Variants in FER observed in about 807,000 individuals in gnomAD.
FER encodes FER tyrosine kinase.
In FER, 63 loss-of-function variants were observed where a neutral mutation model predicts 111.0. That is an observed-to-expected ratio of 0.57 (90% confidence interval 0.46 to 0.70). The LOEUF (loss-of-function observed/expected upper bound fraction) is 0.70. Ranked by LOEUF, FER falls within the 30% of genes least tolerant of loss-of-function variation. The pLI is 0.00. For synonymous variants in FER, 327 were observed against 313.9 expected, an observed-to-expected ratio of 1.04 and a Z score of -0.44; for missense variants, 914 against 954.0, an observed-to-expected ratio of 0.96 and a Z score of 0.55.
At chr5:108,785,205 C>T (rs751535703) in intron 2 of FER, 98 of 610,916 alleles carry the variant, frequency 1.6e-4, no homozygotes, top group Admixed American at 7.6e-5. Context: ...GTGACTATGT[C>T]TCCAAATGGA....
intron 10 of FER, among the ~76,000 whole-genome samples, chr5:108,936,320 C>T (rs1202431398): frequency 6.6e-6 from 1 of 151,784 alleles, no homozygotes; most frequent in Non-Finnish European, 1.5e-5. Flanking sequence ...ACCTTTGATA[C>T]AGTTATTTGG....
chr5:109,162,528 C>G (rs953655872), intron 17 of FER, among the ~76,000 whole-genome samples: 2 of 152,092 alleles, frequency 1.3e-5, no homozygotes, highest in Non-Finnish European at 2.9e-5. Flanking sequence ...ATACGGTCCA[C>G]AAGGGTGCTG....
intron 3 of FER, chr5:108,819,853 A>C (rs1758660987): frequency 3.0e-6 from 3 of 985,390 alleles, no homozygotes; most frequent in Non-Finnish European, 3.6e-6. Flanking sequence ...TTTTTCCCCC[A>C]GAAGTCTATT....
At position 108,838,561 on chromosome 5, in the gene FER, C is replaced by A. The variant is rs533693992; in HGVS notation, c.481+2754C>A. On this transcript the variant is annotated intron_variant, in intron 5 of 19. Transcript: ENST00000281092. The stretch of plus-strand genomic sequence containing the variant: ...TTCAGCAGTAGTAGTAGTAGTAAAC[C>A]AGCAGGAAGGCTGAGTTAATGCTGA... 2.6e-4 allele frequency among the ~76,000 whole-genome samples: 40 copies of A among 152,094 alleles called. No individual in the cohort carries two copies. The South Asian group carries it at 7.9e-3, about 30-fold the overall frequency.
chr5:109,015,748 T>C (rs1490206288), intron 13 of FER, among the ~76,000 whole-genome samples: 1 of 152,012 alleles, frequency 6.6e-6, no homozygotes, highest in Non-Finnish European at 1.5e-5. Flanking sequence ...AGAAATATGA[T>C]TTTCTTAGTG....
intron 13 of FER, among the ~76,000 whole-genome samples, chr5:109,034,479 C>T (rs985557311): frequency 2.0e-5 from 3 of 151,816 alleles, no homozygotes; most frequent in Non-Finnish European, 4.4e-5. Flanking sequence ...CTTGCAGGCC[C>T]TGAACTCTCT....
At chr5:108,919,710 G>T (rs1427951551) in intron 10 of FER, among the ~76,000 whole-genome samples, 1 of 152,068 alleles carries the variant, frequency 6.6e-6, no homozygotes, top group South Asian at 2.1e-4. Context: ...TATCAGAATC[G>T]GTGTGGCAGA....
chr5:108,854,028 A>C (rs554210890), intron 5 of FER, among the ~76,000 whole-genome samples: 6 of 152,336 alleles, frequency 3.9e-5, no homozygotes, highest in African/African-American at 1.4e-4. Flanking sequence ...CAAATTCTGT[A>C]TAAACAATTA....
chr5:108,923,506 AC>A (rs1438448539), intron 10 of FER, among the ~76,000 whole-genome samples: 1 of 152,006 alleles, frequency 6.6e-6, no homozygotes, highest in Non-Finnish European at 1.5e-5. Flanking sequence ...AGTTTCTTGA[AC>A]TTTGGTCCCT....
intron 16 of FER, among the ~76,000 whole-genome samples, chr5:109,058,900 T>G (rs1211731831): frequency 6.6e-6 from 1 of 151,648 alleles, no homozygotes; most frequent in Non-Finnish European, 1.5e-5. Context: ...GCCCGGCTAA[T>G]TTTTGTATTT....
chr5:108,902,492 ATAT>A (rs1405332264), intron 10 of FER, among the ~76,000 whole-genome samples: 1 of 152,194 alleles, frequency 6.6e-6, no homozygotes, highest in African/African-American at 2.4e-5. Flanking sequence ...AGAAACAGTA[ATAT>A]TGACTGCAGG....
chr5:109,082,055 C>CT (rs112682982), intron 16 of FER, among the ~76,000 whole-genome samples: 54,903 of 151,662 alleles, frequency 0.36, 10,196 homozygotes, highest in Middle Eastern at 0.42. Context: ...GAAATTTGAA[C>CT]GGGGGACAGG....
chr5:108,879,850 C>G (rs1765508305), intron 8 of FER, among the ~76,000 whole-genome samples: 1 of 151,290 alleles, frequency 6.6e-6, no homozygotes, highest in Admixed American at 6.6e-5. Flanking sequence ...GCTGGGATTA[C>G]AGGTGCCTGC....
chr5:109,088,300 A>AATCTAATTT (rs796901363), intron 16 of FER, among the ~76,000 whole-genome samples: 38 of 152,188 alleles, frequency 2.5e-4, no homozygotes, highest in African/African-American at 8.4e-4. Flanking sequence ...GTAAGTTGCT[A>AATCTAATTT]ATCTAATTTT....
chr5:109,155,730 G>T (rs986000820), intron 17 of FER, among the ~76,000 whole-genome samples: 2 of 151,958 alleles, frequency 1.3e-5, no homozygotes, highest in South Asian at 4.1e-4. Flanking sequence ...ATTCTGAAAT[G>T]GATGATAAAA....
At chr5:108,875,616 G>T (rs1765011593) in intron 8 of FER, among the ~76,000 whole-genome samples, 1 of 152,086 alleles carries the variant, frequency 6.6e-6, no homozygotes, top group Non-Finnish European at 1.5e-5. Context: ...ATATATTTAA[G>T]TGTCTGTTTC....
At chr5:109,155,410 T>A (rs1755259153) in intron 17 of FER, among the ~76,000 whole-genome samples, 1 of 151,958 alleles carries the variant, frequency 6.6e-6, no homozygotes, top group Non-Finnish European at 1.5e-5. Flanking sequence ...AAAGATGTGA[T>A]CATTTTAACA....
At chr5:108,927,658 C>T (rs1753974902) in intron 10 of FER, among the ~76,000 whole-genome samples, 1 of 152,152 alleles carries the variant, frequency 6.6e-6, no homozygotes, top group Non-Finnish European at 1.5e-5. Flanking sequence ...GCATTTTATC[C>T]CTGCTCATTG....
intron 10 of FER, among the ~76,000 whole-genome samples, chr5:108,916,987 T>A (rs1267268300): frequency 6.6e-6 from 1 of 152,170 alleles, no homozygotes; most frequent in African/African-American, 2.4e-5. Flanking sequence ...CATTTTCTAG[T>A]GTGATACAGT....
Sources: allele counts gnomAD v4.1 joint callset (sites outside exome capture counted in the v4.1 genomes callset), GRCh38; gene constraint gnomAD v4.1.1; transcripts MANE v1.5; gene names NCBI Gene and HGNC (gene_info 2026-07-23, HGNC 2026-07-21).